Variants in TRIP11 observed in about 807,000 individuals in gnomAD.
The protein encoded by TRIP11 is thyroid hormone receptor interactor 11.
Under a neutral mutation model 223.1 loss-of-function variants are expected in TRIP11, and 148 were observed. The observed-to-expected ratio is 0.66, with a 90% CI of 0.58 to 0.76. The LOEUF is 0.76. TRIP11 is among the 30% of genes least tolerant of loss of function. The pLI, the probability that TRIP11 is intolerant of heterozygous loss-of-function variation, is 0.00. For missense variants in TRIP11, 2,043 were observed against 2,222.0 expected (o/e 0.92, Z 1.62); for synonymous variants, 762 against 772.6 (o/e 0.99, Z 0.23).
At chr14:92,023,370 T>G (rs2057138650) in intron 3 of TRIP11, among the ~76,000 whole-genome samples, 1 of 152,254 alleles carries the variant, frequency 6.6e-6, no homozygotes, top group Non-Finnish European at 1.5e-5. Flanking sequence ...ATGGGACCCA[T>G]GTCTAAACAC....
intron 2 of TRIP11, among the ~76,000 whole-genome samples, chr14:92,025,925 T>C (rs976973501): frequency 4.0e-5 from 6 of 150,018 alleles, no homozygotes; most frequent in African/African-American, 9.8e-5. Context: ...AGACAGAATA[T>C]GCATAATTCT....
chr14:92,007,027 T>C lies in TRIP11; in HGVS notation c.1528-579A>G, dbSNP rs73341772. Among the ~76,000 whole-genome samples the C allele has an allele frequency of 4.2e-3, 607 of 144,472 alleles. 3 individuals carry two copies. Among genetic ancestry groups the C allele is most frequent in the African/African-American group, 0.016 (574 of 36,730 alleles). The allele number at this position is 144,472 out of a possible 152,430, so 94.8% of individuals were successfully genotyped here. A position where few individuals can be genotyped will look rare whatever the true frequency, so the allele number is the denominator to read the frequency against. ...AGAATTTAAAACCAAAGATGGTAAA[T>C]AGTATTTTTTTTTTTTTTGAGACAG... On this transcript the variant is annotated intron_variant, in intron 10 of 20. Coordinates refer to ENST00000267622, the MANE Select transcript of TRIP11 (RefSeq NM_004239.4).
intron 2 of TRIP11, among the ~76,000 whole-genome samples, chr14:92,027,626 A>G (rs1410356283): frequency 6.6e-6 from 1 of 152,234 alleles, no homozygotes; most frequent in Non-Finnish European, 1.5e-5. Flanking sequence ...CTCTACAAAA[A>G]AGAATTTACA....
chr14:92,029,920 G>A (rs987758188), intron 2 of TRIP11, among the ~76,000 whole-genome samples: 1 of 151,210 alleles, frequency 6.6e-6, no homozygotes, highest in Non-Finnish European at 1.5e-5. Flanking sequence ...TGAGTGGGCC[G>A]GGCGCGGTGG....
At chr14:91,997,116 G>A (rs1387363016) in intron 13 of TRIP11, among the ~76,000 whole-genome samples, 1 of 152,080 alleles carries the variant, frequency 6.6e-6, no homozygotes, top group East Asian at 1.9e-4. Context: ...AAATATCTCT[G>A]GACCTTGTTC....
At chr14:92,015,586 G>A (rs1566866637) in intron 6 of TRIP11, 110 bp downstream of exon 6, 1 of 841,136 alleles carries the variant, frequency 1.2e-6, no homozygotes, top group South Asian at 1.8e-5. Flanking sequence ...TGAACCCGGG[G>A]GGCGGAGGTT....
At chr14:91,973,982 C>T (rs2056431746) in intron 19 of TRIP11, among the ~76,000 whole-genome samples, 2 of 152,134 alleles carry the variant, frequency 1.3e-5, no homozygotes, top group South Asian at 2.1e-4. Context: ...GAGCCAAGAT[C>T]GCACCACTGC....
intron 16 of TRIP11, among the ~76,000 whole-genome samples, chr14:91,983,165 T>C (rs1419454802): frequency 2.0e-5 from 3 of 152,240 alleles, no homozygotes; most frequent in Non-Finnish European, 4.4e-5. Flanking sequence ...AGCTCTTTCC[T>C]TTCTAAACCA....
intron 16 of TRIP11, among the ~76,000 whole-genome samples, chr14:91,982,895 T>C (rs2056561814): frequency 6.6e-6 from 1 of 152,146 alleles, no homozygotes; most frequent in South Asian, 2.1e-4. Flanking sequence ...CACTTCTACC[T>C]CCACCTTTTC....
At chr14:91,977,612 CT>C (rs375940706) in intron 16 of TRIP11, among the ~76,000 whole-genome samples, 2,101 of 144,150 alleles carry the variant, frequency 0.015, 34 homozygotes, top group African/African-American at 0.046. Flanking sequence ...TCATTCTTTT[CT>C]TTTTTTTTTT....
intron 1 of TRIP11, among the ~76,000 whole-genome samples, chr14:92,035,033 G>A (rs117637557): frequency 0.011 from 1,745 of 152,018 alleles, 17 homozygotes; most frequent in Non-Finnish European, 0.018. Flanking sequence ...GGCTGGTCTC[G>A]GTGGCTCATG....
intron 15 of TRIP11, among the ~76,000 whole-genome samples, 154 bp from the exon 16 acceptor site, chr14:91,988,537 G>A (rs1450380630): frequency 2.7e-5 from 4 of 150,098 alleles, no homozygotes; most frequent in Non-Finnish European, 5.9e-5. Flanking sequence ...AAGTATCAAA[G>A]GCAGAACCCA....
rs1255632074 is a variant in TRIP11 at position 92,003,419 on chromosome 14, C to T, written c.4557G>A (p.Gln1519=). 6.2e-7 allele frequency: 1 copy of T among 1,612,924 alleles called. No homozygotes were observed. The highest frequency in any genetic ancestry group is 1.1e-5 in the South Asian group (1 of 91,078). The change falls in exon 11 of 21, where the codon CAG becomes CAA. Residue 1519 remains glutamine (Q), a splice_region_variant and synonymous_variant. Coordinates refer to ENST00000267622, the MANE Select transcript of TRIP11 (RefSeq NM_004239.4). ...CTACAATACTCCATCCAGAACACAC[C>T]TGTTCTTTCTCTTTCAATAGCTGTT... The part of the protein sequence containing the change: ...AFEQLLKEKE[Q]GKTGELNQLL...
At chr14:92,013,629 T>G (rs1431167650) in intron 7 of TRIP11, among the ~76,000 whole-genome samples, 1 of 152,118 alleles carries the variant, frequency 6.6e-6, no homozygotes, top group Non-Finnish European at 1.5e-5. Context: ...GGTTTGTCTT[T>G]TAAGCACATA....
At chr14:92,011,291 A>G (rs1031819513) in intron 8 of TRIP11, among the ~76,000 whole-genome samples, 79 of 152,170 alleles carry the variant, frequency 5.2e-4, no homozygotes, top group African/African-American at 1.9e-3. Context: ...GGAAATCAAG[A>G]CCATCCTGGC....
At chr14:92,016,363 C>T (rs978376299) in intron 5 of TRIP11, among the ~76,000 whole-genome samples, 1 of 152,130 alleles carries the variant, frequency 6.6e-6, no homozygotes, top group African/African-American at 2.4e-5. Context: ...CTGAGTCCAT[C>T]GACTAGGGAA....
intron 7 of TRIP11, among the ~76,000 whole-genome samples, chr14:92,012,098 T>C (rs2056980516): frequency 6.6e-6 from 1 of 152,212 alleles, no homozygotes; most frequent in African/African-American, 2.4e-5. Context: ...GACAACCAGG[T>C]TTCAAAATGA....
intron 4 of TRIP11, among the ~76,000 whole-genome samples, chr14:92,019,184 T>A (rs1014752609): frequency 6.6e-6 from 1 of 152,080 alleles, no homozygotes; most frequent in Non-Finnish European, 1.5e-5. Flanking sequence ...CTAGTACAGG[T>A]CTGTCATGGA....
At position 92,003,604 on chromosome 14, in the gene TRIP11, T is replaced by C; in HGVS notation, c.4372A>G (p.Ile1458Val). The change falls in exon 11 of 21, where the codon ATT (isoleucine) becomes GTT (valine). Residue 1458 changes from isoleucine to valine, a missense_variant. Transcript: ENST00000267622. ...KERILILEMD[I>V]GKLKGENEKI... ...TCATTTTCTCCTTTTAGTTTGCCAA[T>C]GTCCATCTCTAGAATTAATATTCTC... The C allele has an allele frequency of 6.2e-7, 1 of 1,614,184 alleles. No homozygotes were observed. Among genetic ancestry groups the C allele is most frequent in the Non-Finnish European group, 8.5e-7 (1 of 1,180,028 alleles).
Sources: gnomAD v4.1 joint callset for allele counts (sites outside exome capture counted in the v4.1 genomes callset) on GRCh38, gnomAD v4.1.1 for gene constraint, MANE v1.5 for transcripts, NCBI Gene and HGNC (gene_info 2026-07-23, HGNC 2026-07-21) for gene names.